Variants in RYR1 observed in about 807,000 individuals in gnomAD.
RYR1 encodes the protein central core disease of muscle.
A neutral mutation model predicts 583.5 loss-of-function variants in RYR1; 342 were observed. The ratio of observed to expected loss-of-function variants is 0.59; its 90% CI spans 0.54 to 0.64. The LOEUF (loss-of-function observed/expected upper bound fraction) is 0.64, where lower values mean the gene tolerates loss of function less well. Ranked by LOEUF, RYR1 falls within the 30% of genes least tolerant of loss-of-function variation. The probability of loss-of-function intolerance (pLI) is 0.00; values close to 1 mark genes in which losing one functional copy is unlikely to be tolerated. For synonymous variants in RYR1, 2,791 were observed against 2,822.5 expected (o/e 0.99, Z 0.35); for missense variants, 6,032 against 6,917.2 (o/e 0.87, Z 4.54).
At chr19:38,440,658 C>A in intron 1 of RYR1, 87 bp from the exon 2 acceptor site, 1 of 1,510,534 alleles carries the variant, frequency 6.6e-7, no homozygotes, top group South Asian at 1.2e-5. Flanking sequence ...TTCATAAGGA[C>A]CAGGGTGGGA....
In RYR1 at chr19:38,572,384, G is replaced by T; in HGVS notation, c.13998+114G>T. ...CCTCAAAGTGGTTGGGACAGAGGGG[G>T]CCTAGGGTTGGGGTGAGGGCTGGGG... On this transcript the variant is annotated intron_variant, in intron 95 of 105. Transcript: ENST00000359596. 8 of 1,218,896 alleles carry T rather than the reference G, an allele frequency of 6.6e-6. 1 individual carries two copies. Among genetic ancestry groups the T allele is most frequent in the Middle Eastern group, 2.8e-4 (1 of 3,526 alleles). 75.5% of individuals were successfully genotyped at this position (1,218,896 alleles called of 1,614,324 possible). A position where few individuals can be genotyped will look rare whatever the true frequency, so the allele number is the denominator to read the frequency against.
chr19:38,494,533 C>T lies in RYR1; in HGVS notation c.6456C>T (p.Thr2152=). 6.2e-7 allele frequency: 1 copy of T among 1,614,006 alleles called. No individual in the cohort carries two copies. The highest frequency in any genetic ancestry group is 8.5e-7 in the Non-Finnish European group (1 of 1,180,040). ...TCTCACCGTCCTCCGTGGAAGACACCATGAGCCTGCTCGAGTGCCTCGGCC... is the reference window on the plus strand; with the variant it reads ...TCTCACCGTCCTCCGTGGAAGACACTATGAGCCTGCTCGAGTGCCTCGGCC... ...YTISPSSVED[T]MSLLECLGQI... Residue 2152 remains threonine, a synonymous_variant, in exon 39 of 106, where the codon ACC becomes ACT. Transcript: ENST00000359596.
At chr19:38,488,211 A>G (rs1032728987) in intron 34 of RYR1, among the ~76,000 whole-genome samples, 1 of 151,790 alleles carries the variant, frequency 6.6e-6, no homozygotes, top group Admixed American at 6.6e-5. Context: ...CCACATATTC[A>G]TTTACTTCCT....
chr19:38,557,758 C>T (rs1331812672), intron 89 of RYR1, among the ~76,000 whole-genome samples: 1 of 150,936 alleles, frequency 6.6e-6, no homozygotes, highest in Non-Finnish European at 1.5e-5. Context: ...GAGCCAAGAT[C>T]GCGTCATTGC....
intron 101 of RYR1, among the ~76,000 whole-genome samples, chr19:38,582,031 C>T (rs534106838): frequency 1.3e-5 from 2 of 152,244 alleles, no homozygotes; most frequent in South Asian, 2.1e-4. Context: ...GGGGGCCTCA[C>T]CTGTAAAATG....
At position 38,489,238 on chromosome 19, in the gene RYR1, T is replaced by C. The variant is rs1231908638; in HGVS notation, c.5609T>C (p.Val1870Ala). 1 of 1,612,968 alleles carries C rather than the reference T, an allele frequency of 6.2e-7. No individual in the cohort carries two copies. Among genetic ancestry groups the C allele is most frequent in the Non-Finnish European group, 8.5e-7 (1 of 1,179,726 alleles). ...ATCTTGAAGATGATTGAGCCTGAGGTCTTCACTGAGGAAGAAGAGGAGGAG... is the reference window on the plus strand; with the variant it reads ...ATCTTGAAGATGATTGAGCCTGAGGCCTTCACTGAGGAAGAAGAGGAGGAG... ...KQILKMIEPE[V>A]FTEEEEEEDE... The change falls in exon 35 of 106, where the codon GTC becomes GCC. Residue 1870 changes from valine to alanine, a missense_variant. Val to Ala is a moderately conservative substitution (Grantham distance 64, BLOSUM62 0). Coordinates refer to ENST00000359596, the MANE Select transcript of RYR1 (RefSeq NM_000540.3).
At chr19:38,449,947 A>G (rs1568442221) in intron 11 of RYR1, among the ~76,000 whole-genome samples, 1 of 152,162 alleles carries the variant, frequency 6.6e-6, no homozygotes, top group Non-Finnish European at 1.5e-5. Context: ...GGCTGGTCTC[A>G]AACTCCTGGG....
intron 90 of RYR1, among the ~76,000 whole-genome samples, chr19:38,563,343 C>T (rs1462404206): frequency 2.0e-5 from 3 of 152,208 alleles, no homozygotes; most frequent in Admixed American, 1.3e-4. Context: ...TCAGCTCACT[C>T]AACCTCCACC....
chr19:38,526,240 T>A (rs1383204811), intron 71 of RYR1, among the ~76,000 whole-genome samples: 2 of 151,918 alleles, frequency 1.3e-5, no homozygotes, highest in African/African-American at 4.8e-5. Flanking sequence ...ACCCCTTGTG[T>A]GGGACAACAA....
chr19:38,543,040 C>G lies in RYR1; in HGVS notation c.11690-307C>G, dbSNP rs58875004. On this transcript the variant is annotated intron_variant, in intron 84 of 105. Transcript: ENST00000359596. The surrounding 1 kb of genome is among the most constrained non-coding windows in gnomAD (Gnocchi z 4.4). ...TATTTTTAGTAGAGACGGGGTTTCA[C>G]CATGTTGGTCAGGCTGGTCTCAAAC... is the stretch of plus-strand genomic sequence containing the variant. 0.061 allele frequency among the ~76,000 whole-genome samples: 9,187 copies of G among 151,828 alleles called. 398 individuals are homozygous for G. The highest frequency in any genetic ancestry group is 0.22 in the South Asian group (1,033 of 4,794).
chr19:38,463,054 A>G (rs1011316841), intron 20 of RYR1, among the ~76,000 whole-genome samples: 2 of 141,596 alleles, frequency 1.4e-5, no homozygotes, highest in African/African-American at 5.3e-5. Flanking sequence ...GCACCACCAC[A>G]TCTGGCTAAT....
At chr19:38,570,752 C>T in intron 94 of RYR1, 59 bp downstream of exon 94, 1 of 1,374,952 alleles carries the variant, frequency 7.3e-7, no homozygotes, top group Non-Finnish European at 1.0e-6. Context: ...GGATGGGAGG[C>T]TCAGCCCCTA....
Position 38,485,619 on chromosome 19 carries a change from G to A in RYR1, c.4964G>A (p.Arg1655His), listed in dbSNP as rs781159223. 3.1e-6 allele frequency: 5 copies of A among 1,609,738 alleles called. No individual in the cohort carries two copies. The highest frequency in any genetic ancestry group is 3.5e-4 in the Middle Eastern group (2 of 5,754). ...ATGGACATCCTGGAGCTGTCGGAGC[G>A]CCTGGACCTGCAGCGCTTCCACTCG... Reference protein sequence around the residue: ...RCMDILELSERLDLQRFHSHT... With the variant: ...RCMDILELSEHLDLQRFHSHT... The change falls in exon 34 of 106, where the codon CGC (arginine) becomes CAC (histidine). Residue 1655 changes from arginine (R) to histidine (H), a missense_variant. Coordinates refer to ENST00000359596, the MANE Select transcript of RYR1 (RefSeq NM_000540.3).
At chr19:38,573,361 AC>A in intron 96 of RYR1, 54 bp downstream of exon 96, 1 of 1,598,934 alleles carries the variant, frequency 6.3e-7, no homozygotes. Context: ...CTGGGTTTCC[AC>A]CCAGTCCAGG....
At chr19:38,573,142 C>G in intron 95 of RYR1, 35 bp from the exon 96 acceptor site, 14 of 1,612,620 alleles carry the variant, frequency 8.7e-6, no homozygotes, top group Non-Finnish European at 1.2e-5. Context: ...GCCAAGGTGC[C>G]TGACGCCCAC....
chr19:38,440,956 A>T, intron 2 of RYR1, 92 bp downstream of exon 2: 1 of 1,217,790 alleles, frequency 8.2e-7, no homozygotes. Context: ...GGAGTCTGAA[A>T]GGAGGTGCTG....
chr19:38,502,820 G>GGGAGGGGGAGGC lies in RYR1; in HGVS notation c.7836-59_7836-58insGAGGGGGAGGCG. On this transcript the variant is annotated intron_variant, in intron 48 of 105. Coordinates refer to ENST00000359596, the MANE Select transcript of RYR1 (RefSeq NM_000540.3). Reference sequence around the variant, plus strand: ...GGGCAGGGGCAGGGGGAGGAGCAGGGGCAGGGGCAGCAGAGCGGGCCTGGA... The same window carrying GGGAGGGGGAGGC: ...GGGCAGGGGCAGGGGGAGGAGCAGGGGGAGGGGGAGGCGCAGGGGCAGCAGAGCGGGCCTGGA... 3 of 1,524,450 alleles carry GGGAGGGGGAGGC rather than the reference G, an allele frequency of 2.0e-6. 1 individual carries two copies. The East Asian group carries it at 7.1e-5, about 36-fold the overall frequency. The allele number at this position is 1,524,450 out of a possible 1,614,324, so 94.4% of individuals were successfully genotyped here.
At position 38,485,830 on chromosome 19, in the gene RYR1, C is replaced by A. The variant is rs763373996; in HGVS notation, c.5175C>A (p.Ser1725Arg). 4.3e-6 allele frequency: 7 copies of A among 1,613,588 alleles called. No homozygotes were observed. The highest frequency in any genetic ancestry group is 5.9e-6 in the Non-Finnish European group (7 of 1,180,006). The change falls in exon 34 of 106, where the codon AGC becomes AGA. Residue 1725 changes from serine (S) to arginine (R), a missense_variant. This residue lies in a region of RYR1 where 2,627 missense variants were observed against 2,961.3 expected (regional missense o/e 0.89). Transcript: ENST00000359596. ...TCCACCTCGAAAGTGCCTGCCGCAG[C>A]CGCCGCTCCATGCTCTCTGAATACA... The part of the protein sequence containing the change: ...ISIHLESACR[S>R]RRSMLSEYIV...
In RYR1 at chr19:38,523,943, C is replaced by G. The variant is rs775223198; in HGVS notation, c.10455+14C>G. On this transcript the variant is annotated intron_variant, in intron 70 of 105. Transcript: ENST00000359596. ...GGAGATATACAGGTCAGCCCCACATCTGGGACCTTCCGCATGTCTCTTGGC... is the reference window on the plus strand; with the variant it reads ...GGAGATATACAGGTCAGCCCCACATGTGGGACCTTCCGCATGTCTCTTGGC... 3.3e-5 allele frequency: 54 copies of G among 1,613,770 alleles called. No individual in the cohort carries two copies. The South Asian group carries it at 5.4e-4, about 16-fold the overall frequency.
Sources: gnomAD v4.1 joint callset for allele counts (sites outside exome capture counted in the v4.1 genomes callset) on GRCh38, gnomAD v4.1.1 for gene constraint, gnomAD v4.1.1 regional missense constraint, Gnocchi (gnomAD v3.1) non-coding constraint, MANE v1.5 for transcripts, NCBI Gene and HGNC (gene_info 2026-07-23, HGNC 2026-07-21) for gene names.